The following MAML3 variants were observed in gnomAD, a reference collection of about 807,000 sequenced individuals.
MAML3 encodes the protein mastermind like transcriptional coactivator 3.
MAML3 carries 27 observed loss-of-function variants against 101.9 expected under a neutral mutation model. That is an observed-to-expected ratio of 0.27 (90% CI 0.20 to 0.37). The LOEUF is 0.37. MAML3 is among the 10% of genes least tolerant of loss of function. The pLI, the probability that MAML3 is intolerant of heterozygous loss-of-function variation, is 1.00. For synonymous variants in MAML3, 501 were observed against 555.9 expected (o/e 0.90, Z 1.39); for missense variants, 1,316 against 1,444.9 (o/e 0.91, Z 1.45).
chr4:139,970,244 A>G (rs2110790537), intron 1 of MAML3, among the ~76,000 whole-genome samples: 1 of 152,336 alleles, frequency 6.6e-6, no homozygotes, highest in Non-Finnish European at 1.5e-5. Context: ...ACAAGGTAGC[A>G]TTTGAGTAGA....
intron 2 of MAML3, among the ~76,000 whole-genome samples, chr4:139,772,529 GAC>G (rs1390948575): frequency 1.3e-5 from 2 of 151,490 alleles, no homozygotes; most frequent in Admixed American, 6.6e-5. Flanking sequence ...TTTCAGTAGA[GAC>G]ACAGTTTCCC....
intron 1 of MAML3, among the ~76,000 whole-genome samples, chr4:140,145,665 A>G (rs1307633328): frequency 1.3e-5 from 2 of 152,226 alleles, no homozygotes; most frequent in Middle Eastern, 3.4e-3. Context: ...ACCCTGGTTC[A>G]AGCAATTCTC....
chr4:140,098,719 T>A (rs1728201056), intron 1 of MAML3, among the ~76,000 whole-genome samples: 1 of 152,264 alleles, frequency 6.6e-6, no homozygotes, highest in Admixed American at 6.5e-5. Flanking sequence ...ATGTGGCTAC[T>A]GGTCTGCATC....
At chr4:139,864,673 T>TAAA in intron 2 of MAML3, among the ~76,000 whole-genome samples, 1 of 12,754 alleles carries the variant, frequency 7.8e-5, no homozygotes, top group African/African-American at 1.2e-3. Context: ...AGGCTCCGTC[T>TAAA]CAAAAAAAAA....
intron 1 of MAML3, among the ~76,000 whole-genome samples, chr4:140,071,834 G>A (rs1334641076): frequency 6.6e-6 from 1 of 151,720 alleles, no homozygotes; most frequent in Non-Finnish European, 1.5e-5. Flanking sequence ...TGAACAGATG[G>A]TCAAGAATAT....
chr4:140,002,040 ACACTTAT>A (rs1213412662), intron 1 of MAML3, among the ~76,000 whole-genome samples: 1 of 115,584 alleles, frequency 8.7e-6, no homozygotes, highest in Admixed American at 1.1e-4. Context: ...ATTACCTCAC[ACACTTAT>A]CATTTTTTTT....
chr4:140,023,512 G>A (rs535893352), intron 1 of MAML3, among the ~76,000 whole-genome samples: 1 of 152,314 alleles, frequency 6.6e-6, no homozygotes, highest in South Asian at 2.1e-4. Flanking sequence ...CCCAAGCGAA[G>A]TACTCACATT....
At chr4:140,133,061 C>A in intron 1 of MAML3, 1 of 437,106 alleles carries the variant, frequency 2.3e-6, no homozygotes, top group Non-Finnish European at 4.6e-6. Flanking sequence ...GAGGGGAGAA[C>A]AGAGATGGAT....
intron 1 of MAML3, among the ~76,000 whole-genome samples, chr4:140,103,858 C>T (rs1023915987): frequency 1.2e-4 from 18 of 152,094 alleles, no homozygotes; most frequent in Non-Finnish European, 2.1e-4. Flanking sequence ...AAAAATGCTG[C>T]ATCACCTTCA....
intron 1 of MAML3, among the ~76,000 whole-genome samples, chr4:140,057,101 C>T (rs1197876928): frequency 3.3e-5 from 5 of 152,086 alleles, no homozygotes; most frequent in African/African-American, 1.2e-4. Context: ...GAAGCAAGAC[C>T]CCCGTCTCTA....
intron 1 of MAML3, among the ~76,000 whole-genome samples, chr4:140,099,229 TCA>T (rs57140878): frequency 0.059 from 8,617 of 146,892 alleles, 209 homozygotes; most frequent in Non-Finnish European, 0.072. Flanking sequence ...TGGAAGTATA[TCA>T]CACACACACA....
intron 2 of MAML3, among the ~76,000 whole-genome samples, chr4:139,809,177 G>A (rs929213575): frequency 6.6e-6 from 1 of 152,204 alleles, no homozygotes; most frequent in Non-Finnish European, 1.5e-5. Flanking sequence ...TGTTTTCCCT[G>A]TGAAAGAGCT....
intron 4 of MAML3, among the ~76,000 whole-genome samples, chr4:139,720,556 C>T (rs1288121092): frequency 6.6e-6 from 1 of 152,156 alleles, no homozygotes; most frequent in Non-Finnish European, 1.5e-5. Flanking sequence ...CCTGAAATCC[C>T]ACTATCCAGA....
intron 1 of MAML3, among the ~76,000 whole-genome samples, chr4:139,919,956 T>C (rs1320635892): frequency 6.6e-6 from 1 of 152,244 alleles, no homozygotes; most frequent in Non-Finnish European, 1.5e-5. Flanking sequence ...GGCTGAATCT[T>C]ACTATTTTTG....
At position 139,990,153 on chromosome 4, in the gene MAML3, T is replaced by G. The variant is rs933535027; in HGVS notation, c.469-99186A>C. Among the ~76,000 whole-genome samples, 4 of 152,166 alleles carry G rather than the reference T, an allele frequency of 2.6e-5. No individual in the cohort carries two copies. The South Asian group carries it at 8.3e-4, about 32-fold the overall frequency. ...TATAGAGTCATACAGACAACCTCAC[T>G]ATAGAGAAATCTTTACATTTACTTG... On this transcript the variant is annotated intron_variant, in intron 1 of 4. Coordinates refer to ENST00000509479, the MANE Select transcript of MAML3 (RefSeq NM_018717.5).
intron 1 of MAML3, among the ~76,000 whole-genome samples, chr4:139,905,725 TCTCA>T (rs1239858208): frequency 6.6e-6 from 1 of 152,128 alleles, no homozygotes; most frequent in African/African-American, 2.4e-5. Flanking sequence ...GCAGCCAGTT[TCTCA>T]CTGTGTCCTT....
At chr4:139,834,352 C>G (rs1195703786) in intron 2 of MAML3, among the ~76,000 whole-genome samples, 6 of 152,258 alleles carry the variant, frequency 3.9e-5, no homozygotes, top group Non-Finnish European at 8.8e-5. Context: ...CCTGAAAGAT[C>G]TGGCAGCTCT....
chr4:140,124,423 CTGACTAGGTA>C (rs1247312920), intron 1 of MAML3, among the ~76,000 whole-genome samples: 2 of 152,160 alleles, frequency 1.3e-5, no homozygotes, highest in African/African-American at 4.8e-5. Context: ...TTAAACAGCA[CTGACTAGGTA>C]TGGCTGGGAG....
At chr4:139,859,386 T>G (rs1442304252) in intron 2 of MAML3, among the ~76,000 whole-genome samples, 1 of 151,824 alleles carries the variant, frequency 6.6e-6, no homozygotes, top group African/African-American at 2.4e-5. Flanking sequence ...TTTTTTTTTT[T>G]TTCAGAGATG....
Sources: gnomAD v4.1 joint callset for allele counts (sites outside exome capture counted in the v4.1 genomes callset) on GRCh38, gnomAD v4.1.1 for gene constraint, MANE v1.5 for transcripts, NCBI Gene and HGNC (gene_info 2026-07-23, HGNC 2026-07-21) for gene names.